Variants in F8 observed in about 807,000 individuals in gnomAD.
The protein encoded by F8 is coagulation factor VIII.
Under a neutral mutation model 140.6 loss-of-function variants are expected in F8, and 12 were observed. The ratio of observed to expected loss-of-function variants is 0.09; its 90% confidence interval spans 0.05 to 0.14. The LOEUF (loss-of-function observed/expected upper bound fraction) is 0.14. F8 is among the 10% of genes least tolerant of loss of function. The pLI, the probability that F8 is intolerant of heterozygous loss-of-function variation, is 1.00. For synonymous variants in F8, 585 were observed against 614.6 expected, an observed-to-expected ratio of 0.95 and a Z score of 0.71; for missense variants, 1,354 against 1,720.7, an observed-to-expected ratio of 0.79 and a Z score of 3.77.
At chrX:154,935,981 AACACACACACACACAC>A (rs782071576) in intron 13 of F8, among the ~76,000 whole-genome samples, 3 of 88,317 alleles carry the variant, frequency 3.4e-5, no homozygotes, top group Admixed American at 1.3e-4. Flanking sequence ...ATGCCAAAGT[AACACACACACACACAC>A]ACACACACAC....
intron 1 of F8, among the ~76,000 whole-genome samples, chrX:155,008,977 C>A (rs2073691825): frequency 8.9e-6 from 1 of 112,018 alleles, no homozygotes; most frequent in Non-Finnish European, 1.9e-5. Context: ...CTCTGCCTAT[C>A]CCTGATTCCT....
At chrX:154,861,581 T>A in intron 24 of F8, 137 bp downstream of exon 24, 2 of 756,895 alleles carry the variant, frequency 2.6e-6, no homozygotes, top group Non-Finnish European at 4.0e-6. Flanking sequence ...TGTCTGCCCA[T>A]AACCAAACTT....
chrX:154,867,351 C>G (rs1557273215), intron 22 of F8, among the ~76,000 whole-genome samples: 1 of 110,858 alleles, frequency 9.0e-6, no homozygotes, highest in African/African-American at 3.3e-5. Flanking sequence ...GCCAACATCA[C>G]CCTGATACCA....
At chrX:154,955,603 C>T (rs1472493829) in intron 11 of F8, among the ~76,000 whole-genome samples, 1 of 110,291 alleles carries the variant, frequency 9.1e-6, no homozygotes, top group Non-Finnish European at 1.9e-5. Context: ...AGAAATTTTA[C>T]AGCTGGGTCT....
intron 4 of F8, among the ~76,000 whole-genome samples, chrX:154,989,442 C>A (rs1287595085): frequency 1.8e-5 from 2 of 111,458 alleles, no homozygotes; most frequent in Non-Finnish European, 1.9e-5. Context: ...CTCTACCAAG[C>A]AGCAAAACTG....
At chrX:154,901,912 C>T in intron 19 of F8, 139 bp downstream of exon 19, 1 of 548,003 alleles carries the variant, frequency 1.8e-6, no homozygotes, top group Non-Finnish European at 3.3e-6. Flanking sequence ...ATGATTTCTA[C>T]CAGCAATATT....
At chrX:154,944,373 A>T (rs1422224753) in intron 13 of F8, among the ~76,000 whole-genome samples, 1 of 111,050 alleles carries the variant, frequency 9.0e-6, no homozygotes, top group East Asian at 2.8e-4. Flanking sequence ...ATGAACAGAC[A>T]CTTCACAAAA....
chrX:154,860,355 T>G, intron 25 of F8, 77 bp downstream of exon 25: 1 of 1,122,151 alleles, frequency 8.9e-7, no homozygotes, highest in Non-Finnish European at 1.2e-6. Flanking sequence ...TATATCAACC[T>G]TTTTATGTTA....
At chrX:154,854,185 A>T (rs1557272327) in intron 25 of F8, among the ~76,000 whole-genome samples, 1 of 112,273 alleles carries the variant, frequency 8.9e-6, no homozygotes, top group Non-Finnish European at 1.9e-5. Flanking sequence ...TGTCAACTTG[A>T]CTGGGCCATG....
chrX:154,866,872 A>G (rs2072735143), intron 22 of F8, among the ~76,000 whole-genome samples: 2 of 106,429 alleles, frequency 1.9e-5, no homozygotes, highest in Admixed American at 2.1e-4. Flanking sequence ...TAAATAAAAA[A>G]GAGAATAAAA....
At position 154,837,478 on chromosome X, in the gene F8, C is replaced by A; in HGVS notation, c.*119G>T. On this transcript the variant is annotated 3_prime_UTR_variant, in exon 26 of 26. Coordinates refer to ENST00000360256, the MANE Select transcript of F8 (RefSeq NM_000132.4). The stretch of plus-strand genomic sequence containing the variant: ...GACTGATGATAGTTAATTCAGGAGG[C>A]TTCAAGGCAGTGTCTGCTAGGATTT... 1 of 838,656 alleles carries A rather than the reference C, an allele frequency of 1.2e-6. No individual in the cohort carries two copies. Among genetic ancestry groups the A allele is most frequent in the Non-Finnish European group, 1.7e-6 (1 of 582,459 alleles). The allele number at this position is 838,656 out of a possible 1,213,427, so 69.1% of individuals were successfully genotyped here.
Position 154,928,532 on chromosome X carries a change from C to T in F8, c.5219+39G>A. 4 of 1,124,007 alleles carry T rather than the reference C, an allele frequency of 3.6e-6. No homozygotes were observed. The East Asian group carries it at 1.2e-4, about 34-fold the overall frequency. The allele number at this position is 1,124,007 out of a possible 1,213,427, so 92.6% of individuals were successfully genotyped here. A position where few individuals can be genotyped will look rare whatever the true frequency, so the allele number is the denominator to read the frequency against. On this transcript the variant is annotated intron_variant, in intron 14 of 25. Transcript: ENST00000360256. ...GTCATCATCTGGTAAAGTCAAATGT[C>T]ACAAGAGCAGAGCAAAGGAATAACC...
chrX:154,965,554 C>T (rs782250404), intron 9 of F8, among the ~76,000 whole-genome samples: 9 of 111,230 alleles, frequency 8.1e-5, no homozygotes, highest in Admixed American at 2.9e-4. Context: ...CTTGCTCCTC[C>T]GCCTTCTCCT....
At chrX:154,987,206 G>T in intron 5 of F8, 31 bp downstream of exon 5, 1 of 1,109,373 alleles carries the variant, frequency 9.0e-7, no homozygotes, top group Non-Finnish European at 1.2e-6. Flanking sequence ...TTTCTTTCAG[G>T]AATCCAAAAT....
intron 25 of F8, among the ~76,000 whole-genome samples, chrX:154,852,881 A>AAAAC (rs1184208889): frequency 8.9e-6 from 1 of 111,954 alleles, no homozygotes; most frequent in African/African-American, 3.2e-5. Flanking sequence ...CTCAAATCAA[A>AAAAC]AAACAAACAA....
intron 3 of F8, 85 bp downstream of exon 3, chrX:154,996,888 A>G (rs1243348596): frequency 9.8e-6 from 10 of 1,022,054 alleles, no homozygotes; most frequent in African/African-American, 1.9e-5. Flanking sequence ...ACCTTAAAAG[A>G]GTTGTAACGC....
chrX:155,002,239 T>C (rs1382343117), intron 1 of F8, among the ~76,000 whole-genome samples: 1 of 112,850 alleles, frequency 8.9e-6, no homozygotes, highest in African/African-American at 3.2e-5. Context: ...CAATAGACAC[T>C]TGCAGTACTT....
At chrX:154,995,700 G>A (rs2073612976) in intron 3 of F8, among the ~76,000 whole-genome samples, 1 of 112,386 alleles carries the variant, frequency 8.9e-6, no homozygotes. Context: ...AAAAGAAACA[G>A]GTGAAATTAT....
intron 21 of F8, 22 bp downstream of exon 21, chrX:154,899,844 A>G: frequency 8.5e-7 from 1 of 1,171,914 alleles, no homozygotes; most frequent in South Asian, 1.8e-5. Context: ...TACATTTCCC[A>G]TCATTGATTA....
Sources: gnomAD v4.1 joint callset for allele counts (sites outside exome capture counted in the v4.1 genomes callset) on GRCh38, gnomAD v4.1.1 for gene constraint, MANE v1.5 for transcripts, NCBI Gene and HGNC (gene_info 2026-07-23, HGNC 2026-07-21) for gene names.